Variants in CD151 observed in about 807,000 individuals in gnomAD.
CD151 encodes CD151 molecule (Raph blood group).
Under a neutral mutation model 34.2 loss-of-function variants are expected in CD151, and 20 were observed. The ratio of observed to expected loss-of-function variants is 0.58; its 90% CI spans 0.41 to 0.85. The LOEUF is 0.85. Among genes scored for constraint, CD151 ranks in the 40% least tolerant of loss-of-function variants. The pLI, the probability that CD151 is intolerant of heterozygous loss-of-function variation, is 0.00. For synonymous variants in CD151, 157 were observed against 131.7 expected (o/e 1.19, Z -1.32); for missense variants, 306 against 324.5 (o/e 0.94, Z 0.44).
chr11:837,277 A>C lies in CD151; in HGVS notation c.379A>C (p.Lys127Gln), dbSNP rs559057238. The C allele has an allele frequency of 2.2e-4, 347 of 1,613,076 alleles. 3 individuals carry two copies. The South Asian group carries it at 3.6e-3, about 17-fold the overall frequency. The part of the protein sequence containing the change: ...QLNTELKENL[K>Q]DTMTKRYHQP... ...GAACACGGAGCTCAAGGAGAACCTGAAGGACACCATGACCAAGCGCTACCA... is the reference window on the plus strand; with the variant it reads ...GAACACGGAGCTCAAGGAGAACCTGCAGGACACCATGACCAAGCGCTACCA... The change falls in exon 6 of 9, where the codon AAG becomes CAG. Residue 127 changes from lysine (K) to glutamine (Q), a missense_variant. Coordinates refer to ENST00000397420, the MANE Select transcript of CD151 (RefSeq NM_004357.5).
At chr11:835,571 C>T (rs1231634387) in intron 2 of CD151, 1 of 154,676 alleles carries the variant, frequency 6.5e-6, no homozygotes, top group Non-Finnish European at 1.4e-5. Context: ...GAACTCCCGA[C>T]CTCAAGTGAT....
intron 2 of CD151, chr11:835,237 G>A (rs112620123): frequency 6.6e-6 from 1 of 152,422 alleles, no homozygotes; most frequent in African/African-American, 2.4e-5. Context: ...GAGTCGCTAG[G>A]AAGTGACACG....
At position 838,041 on chromosome 11, in the gene CD151, G is replaced by T. The variant is rs747752694; in HGVS notation, c.702+13G>T. 3.7e-6 allele frequency: 6 copies of T among 1,611,338 alleles called. No homozygotes were observed. In the East Asian group the frequency reaches 1.1e-4, roughly 30 times the overall value. ...TGCCTGTGTGCAGGTGAGGGCACAT[G>T]GGGGTGGCGGTCATCTTGTTGGGGA... On this transcript the variant is annotated intron_variant, in intron 8 of 8. Coordinates refer to ENST00000397420, the MANE Select transcript of CD151 (RefSeq NM_004357.5).
In CD151 at chr11:837,603, C is replaced by T; in HGVS notation, c.600C>T (p.Asn200=). 6.2e-7 allele frequency: 1 copy of T among 1,612,484 alleles called. No individual in the cohort carries two copies. Among genetic ancestry groups the T allele is most frequent in the Non-Finnish European group, 8.5e-7 (1 of 1,179,738 alleles). The change falls in exon 7 of 9, where the codon AAC becomes AAT. Residue 200 remains asparagine (N), a synonymous_variant. Coordinates refer to ENST00000397420, the MANE Select transcript of CD151 (RefSeq NM_004357.5). ...GTGGGCAGCGAGACCATGCCTCCAA[C>T]ATCTACAAGGTGGAGGTGGGTGTGC... ...ALCGQRDHAS[N]IYKVEGGCIT...
Position 838,186 on chromosome 11 carries a change from C to T in CD151, c.756C>T (p.His252=). 1 of 1,612,716 alleles carries T rather than the reference C, an allele frequency of 6.2e-7. No homozygotes were observed. The highest frequency in any genetic ancestry group is 2.2e-5 in the East Asian group (1 of 44,872). Reference sequence around the variant, plus strand: ...TGTACAGGAGTCTCAAGCTGGAGCACTACTGACCCTGCCTTGGGCCTTGCT... The same window carrying T: ...TGTACAGGAGTCTCAAGCTGGAGCATTACTGACCCTGCCTTGGGCCTTGCT... ...CCLYRSLKLE[H]Y is the part of the protein sequence containing the mutation. Residue 252 remains histidine, a synonymous_variant, in exon 9 of 9, where the codon CAC becomes CAT. Coordinates refer to ENST00000397420, the MANE Select transcript of CD151 (RefSeq NM_004357.5).
rs1161716536 is a variant in CD151 at position 838,326 on chromosome 11, C to T, written c.*134C>T. 9.8e-6 allele frequency: 7 copies of T among 714,498 alleles called. No homozygotes were observed. The highest frequency in any genetic ancestry group is 1.7e-5 in the Non-Finnish European group (7 of 413,010). The allele number at this position is 714,498 out of a possible 1,614,324, so 44.3% of individuals were successfully genotyped here. A position where few individuals can be genotyped will look rare whatever the true frequency, so the allele number is the denominator to read the frequency against. On this transcript the variant is annotated 3_prime_UTR_variant, in exon 9 of 9. Transcript: ENST00000397420. ...CTGGGGACCCCAACCTCAGAGGCAG[C>T]TTCAAGTGCCTTTTGCTGCGCACCA... is the stretch of plus-strand genomic sequence containing the variant.
chr11:835,337 CCT>C (rs1012008943), intron 2 of CD151: 19 of 152,232 alleles, frequency 1.2e-4, no homozygotes, highest in African/African-American at 4.3e-4. Context: ...ATCTGTGTCC[CCT>C]CTTTTTTTTC....
Position 835,739 on chromosome 11 carries a change from G to C in CD151, c.-7-324G>C, listed in dbSNP as rs1212607595. On this transcript the variant is annotated intron_variant, in intron 2 of 8. Coordinates refer to ENST00000397420, the MANE Select transcript of CD151 (RefSeq NM_004357.5). ...GTCTCACTCTGTCGCCCAGGCTGGA[G>C]TGCAGTGGCACCATCTCGGCTCACT... The C allele has an allele frequency of 1.9e-5, 5 of 268,624 alleles. No homozygotes were observed. In the South Asian group the frequency reaches 2.1e-4, roughly 11 times the overall value. The allele number at this position is 268,624 out of a possible 1,614,324, so 16.6% of individuals were successfully genotyped here.
Position 836,398 on chromosome 11 carries a change from G to T in CD151, c.232G>T (p.Gly78Cys). Reference sequence around the variant, plus strand: ...TGTCGTCATGGTGACTGGGGTCTTGGGCTGCTGCGCCACCTTCAAGGAGCG... The same window carrying T: ...TGTCGTCATGGTGACTGGGGTCTTGTGCTGCTGCGCCACCTTCAAGGAGCG... ...GTVVMVTGVLGCCATFKERRN... is the reference protein window; with the variant it reads ...GTVVMVTGVLCCCATFKERRN... Residue 78 changes from glycine (G) to cysteine (C), a missense_variant, in exon 4 of 9, where the codon GGC (glycine) becomes TGC (cysteine). Transcript: ENST00000397420. The T allele has an allele frequency of 1.2e-6, 2 of 1,611,968 alleles. No individual in the cohort carries two copies. Among genetic ancestry groups the T allele is most frequent in the Non-Finnish European group, 1.7e-6 (2 of 1,179,858 alleles).
rs61876748 is a variant in CD151, at chr11:833,262, T to G, written c.-70+236T>G. Among the ~76,000 whole-genome samples, 107,214 of 151,842 alleles carry G rather than the reference T, an allele frequency of 0.71. 38,570 individuals are homozygous for G. Among genetic ancestry groups the G allele is most frequent in the East Asian group, 0.9 (4,620 of 5,136 alleles). On this transcript the variant is annotated intron_variant, in intron 1 of 8. Coordinates refer to ENST00000397420, the MANE Select transcript of CD151 (RefSeq NM_004357.5). ...CGCGGGAGGCGGACTCCGGGCGGGT[T>G]GGGGAGGCGCAGCGGGAAGGAGAGG...
intron 7 of CD151, 132 bp downstream of exon 7, chr11:837,750 G>A (rs1690129128): frequency 2.0e-6 from 2 of 993,390 alleles, no homozygotes; most frequent in Admixed American, 4.3e-5. Flanking sequence ...GTGGCCGGAT[G>A]TGGGCAGTGA....
intron 3 of CD151, 36 bp downstream of exon 3, chr11:836,189 C>T (rs754521405): frequency 7.8e-6 from 12 of 1,548,008 alleles, no homozygotes; most frequent in African/African-American, 4.1e-5. Context: ...CCCCCACCCC[C>T]ACCCCTCCCG....
At chr11:837,158 C>T in intron 5 of CD151, 92 bp from the exon 6 acceptor site, 1 of 1,070,368 alleles carries the variant, frequency 9.3e-7, no homozygotes, top group Non-Finnish European at 1.4e-6. Context: ...GAGCTGGGCC[C>T]CGGGCCTCCC....
intron 1 of CD151, among the ~76,000 whole-genome samples, chr11:833,260 G>A (rs992651775): frequency 2.0e-5 from 3 of 152,100 alleles, no homozygotes; most frequent in African/African-American, 7.2e-5. Context: ...CTCCGGGCGG[G>A]TTGGGGAGGC....
chr11:838,664 T>G lies in CD151; in HGVS notation c.*472T>G. On this transcript the variant is annotated 3_prime_UTR_variant, in exon 9 of 9. Coordinates refer to ENST00000397420, the MANE Select transcript of CD151 (RefSeq NM_004357.5). ...CTCCCTCGACAGCGCCCCTGCTGTC[T>G]TCCCCACCGCAGTCACCACCACCCG... 3 of 216,086 alleles carry G rather than the reference T, an allele frequency of 1.4e-5. No homozygotes were observed. Among genetic ancestry groups the G allele is most frequent in the Non-Finnish European group, 1.9e-5 (2 of 105,954 alleles). 13.4% of individuals were successfully genotyped at this position (216,086 alleles called of 1,614,324 possible).
intron 1 of CD151, among the ~76,000 whole-genome samples, chr11:833,542 T>C (rs1365311190): frequency 6.6e-6 from 1 of 152,170 alleles, no homozygotes; most frequent in Non-Finnish European, 1.5e-5. Context: ...GGGCTCCCCC[T>C]GATAGGGCGC....
At chr11:836,182 CCA>C in intron 3 of CD151, 29 bp downstream of exon 3, 1 of 1,407,416 alleles carries the variant, frequency 7.1e-7, no homozygotes, top group African/African-American at 1.4e-5. Flanking sequence ...GCCCCCACCC[CCA>C]CCCCCACCCC....
Position 838,470 on chromosome 11 carries a change from A to C in CD151, c.*278A>C, listed in dbSNP as rs1440160976. On this transcript the variant is annotated 3_prime_UTR_variant, in exon 9 of 9. Coordinates refer to ENST00000397420, the MANE Select transcript of CD151 (RefSeq NM_004357.5). ...ATGCAGGTTGGAAGGGGCCTTGCTG[A>C]GTGGCGCAAGGCCGAGCGTTCCCAG... 2 of 572,578 alleles carry C rather than the reference A, an allele frequency of 3.5e-6. No individual in the cohort carries two copies. The highest frequency in any genetic ancestry group is 2.9e-5 in the East Asian group (1 of 34,204). 35.5% of individuals were successfully genotyped at this position (572,578 alleles called of 1,614,324 possible). A position where few individuals can be genotyped will look rare whatever the true frequency, so the allele number is the denominator to read the frequency against.
intron 1 of CD151, among the ~76,000 whole-genome samples, chr11:833,733 T>C (rs1846632919): frequency 1.2e-5 from 1 of 82,766 alleles, no homozygotes; most frequent in Non-Finnish European, 2.6e-5. Context: ...AACCAACTTC[T>C]CCAGAAAGCC....
Sources: gnomAD v4.1 joint callset for allele counts (sites outside exome capture counted in the v4.1 genomes callset) on GRCh38, gnomAD v4.1.1 for gene constraint, MANE v1.5 for transcripts, NCBI Gene and HGNC (gene_info 2026-07-23, HGNC 2026-07-21) for gene names.